SYNPO2: variants seen among roughly 807,000 people sequenced by gnomAD.
SYNPO2 encodes the protein synaptopodin 2.
SYNPO2 carries 56 observed loss-of-function variants against 85.0 expected under a neutral mutation model. The ratio of observed to expected loss-of-function variants is 0.66; its 90% confidence interval spans 0.53 to 0.82. SYNPO2 has a LOEUF of 0.82. SYNPO2 is among the 40% of genes least tolerant of loss of function. The pLI is 0.00. For missense variants in SYNPO2, 1,575 were observed against 1,534.2 expected (o/e 1.03, Z -0.44); for synonymous variants, 602 against 591.1 (o/e 1.02, Z -0.27).
chr4:118,992,605 T>TC (rs1736454865), intron 1 of SYNPO2, among the ~76,000 whole-genome samples: 1 of 152,148 alleles, frequency 6.6e-6, no homozygotes, highest in Non-Finnish European at 1.5e-5. Flanking sequence ...CAGGGATGCC[T>TC]CCAAGGTCCT....
Position 119,030,942 on chromosome 4 carries a change from A to C in SYNPO2, c.2167A>C (p.Thr723Pro). ...LLQNSEGKRG[T>P]GAGGDSGPEE... ...TCAAAATTCAGAAGGCAAACGGGGC[A>C]CTGGAGCTGGAGGTGATTCCGGACC... The change falls in exon 4 of 5, where the codon ACT (threonine) becomes CCT (proline). Residue 723 changes from threonine (T) to proline (P), a missense_variant. Thr to Pro is a conservative substitution (Grantham distance 38, BLOSUM62 -1). Coordinates refer to ENST00000307142, the MANE Select transcript of SYNPO2 (RefSeq NM_133477.3). 1 of 1,614,198 alleles carries C rather than the reference A, an allele frequency of 6.2e-7. No individual in the cohort carries two copies.
At chr4:118,989,853 A>G in intron 1 of SYNPO2, among the ~76,000 whole-genome samples, 1 of 152,216 alleles carries the variant, frequency 6.6e-6, no homozygotes, top group East Asian at 1.9e-4. Flanking sequence ...CAACACCAAG[A>G]GTCCCTGAGA....
chr4:119,035,819 CA>C (rs5861408), intron 4 of SYNPO2: 1,892 of 928,756 alleles, frequency 2.0e-3, no homozygotes, highest in East Asian at 2.3e-3. Context: ...CTGAGATGTC[CA>C]AAAAAAAAAA....
intron 4 of SYNPO2, among the ~76,000 whole-genome samples, chr4:119,056,497 C>T (rs1264030506): frequency 1.3e-5 from 2 of 151,972 alleles, no homozygotes; most frequent in East Asian, 1.9e-4. Flanking sequence ...TTTGAGGCTG[C>T]AGTGAGCCAT....
At position 119,005,053 on chromosome 4, in the gene SYNPO2, C is replaced by T. The variant is rs546187431; in HGVS notation, c.106-18377C>T. Among the ~76,000 whole-genome samples, 1,221 of 152,100 alleles carry T rather than the reference C, an allele frequency of 8.0e-3. 15 individuals carry two copies. The highest frequency in any genetic ancestry group is 0.036 in the South Asian group (172 of 4,798). ...TTGAGAAATGTCTGTTCATATCCTT[C>T]GCCCACTTGTTGATGGGGTTGTTTG... is the stretch of plus-strand genomic sequence containing the variant. On this transcript the variant is annotated intron_variant, in intron 1 of 4. Coordinates refer to ENST00000307142, the MANE Select transcript of SYNPO2 (RefSeq NM_133477.3).
chr4:118,958,421 A>C (rs1305944892), intron 1 of SYNPO2, among the ~76,000 whole-genome samples: 1 of 152,166 alleles, frequency 6.6e-6, no homozygotes, highest in Non-Finnish European at 1.5e-5. Context: ...CAAGTTAATG[A>C]ATTAAAGAGT....
intron 1 of SYNPO2, among the ~76,000 whole-genome samples, chr4:119,010,004 A>T (rs141218844): frequency 6.6e-6 from 1 of 152,210 alleles, no homozygotes; most frequent in Non-Finnish European, 1.5e-5. Context: ...GTTTTTCTCC[A>T]TAACCATTTT....
intron 1 of SYNPO2, among the ~76,000 whole-genome samples, chr4:118,940,432 A>C (rs144848933): frequency 6.6e-6 from 1 of 152,196 alleles, no homozygotes; most frequent in African/African-American, 2.4e-5. Context: ...AAATAAGAGT[A>C]AACTGTTTTC....
rs1243344835 is a variant in SYNPO2, at chr4:119,059,650, C to T, written c.*1716C>T. 1.3e-5 allele frequency: 2 copies of T among 151,624 alleles called. No homozygotes were observed. The highest frequency in any genetic ancestry group is 2.1e-4 in the South Asian group (1 of 4,808). 9.4% of individuals were successfully genotyped at this position (151,624 alleles called of 1,614,324 possible). On this transcript the variant is annotated 3_prime_UTR_variant, in exon 5 of 5. Transcript: ENST00000307142. Reference sequence around the variant, plus strand: ...GTTACTTTTTTGCTCTTGAATGTATCGTTATGATGGTCTCTTATAATCATG... The same window carrying T: ...GTTACTTTTTTGCTCTTGAATGTATTGTTATGATGGTCTCTTATAATCATG...
intron 1 of SYNPO2, among the ~76,000 whole-genome samples, chr4:118,911,252 T>C (rs940445795): frequency 1.3e-5 from 2 of 152,200 alleles, no homozygotes; most frequent in Admixed American, 1.3e-4. Flanking sequence ...AGTTGAGATA[T>C]CAAATCATTT....
rs960459738 is a variant in SYNPO2 at position 119,037,542 on chromosome 4, A to C, written c.3252+5515A>C. 6 of 993,088 alleles carry C rather than the reference A, an allele frequency of 6.0e-6. No individual in the cohort carries two copies. The African/African-American group carries it at 1.0e-4, about 17-fold the overall frequency. 61.5% of individuals were successfully genotyped at this position (993,088 alleles called of 1,614,324 possible). On this transcript the variant is annotated intron_variant, in intron 4 of 4. Coordinates refer to ENST00000307142, the MANE Select transcript of SYNPO2 (RefSeq NM_133477.3). ...TTTGGTGCAATAATCAAGGCCATGC[A>C]ACAACCCAAAATCAAGCATTTTGGT...
At chr4:119,032,221 C>G (rs774497833) in intron 4 of SYNPO2, 194 bp downstream of exon 4, 10 of 1,434,060 alleles carry the variant, frequency 7.0e-6, no homozygotes, top group African/African-American at 1.4e-5. Context: ...AGTCAAAAAT[C>G]CAACTCAGAT....
At chr4:118,904,310 T>C (rs1441599720) in intron 1 of SYNPO2, among the ~76,000 whole-genome samples, 1 of 152,222 alleles carries the variant, frequency 6.6e-6, no homozygotes, top group Admixed American at 6.5e-5. Context: ...TTAAGGCATA[T>C]CTGCTGTCTT....
At chr4:118,913,936 C>T (rs889448136) in intron 1 of SYNPO2, among the ~76,000 whole-genome samples, 18 of 151,986 alleles carry the variant, frequency 1.2e-4, no homozygotes, top group African/African-American at 4.4e-4. Context: ...TGACTGATGG[C>T]AATGTGGAAA....
chr4:118,936,873 G>A (rs1028056205), intron 1 of SYNPO2, among the ~76,000 whole-genome samples: 2 of 152,156 alleles, frequency 1.3e-5, no homozygotes. Context: ...TTTAAGGAAA[G>A]CCTGTAATGA....
intron 1 of SYNPO2, among the ~76,000 whole-genome samples, chr4:119,013,255 A>T (rs918756172): frequency 7.2e-5 from 11 of 152,166 alleles, no homozygotes; most frequent in African/African-American, 2.7e-4. Context: ...AAAAAACATG[A>T]TGCCAGTTTT....
intron 1 of SYNPO2, among the ~76,000 whole-genome samples, chr4:118,903,871 C>T (rs941842144): frequency 2.6e-5 from 4 of 152,002 alleles, no homozygotes; most frequent in African/African-American, 9.7e-5. Flanking sequence ...TGCCACCATG[C>T]CCAGCTAATT....
chr4:118,954,526 A>G (rs1734804054), intron 1 of SYNPO2, among the ~76,000 whole-genome samples: 1 of 152,216 alleles, frequency 6.6e-6, no homozygotes, highest in Non-Finnish European at 1.5e-5. Context: ...TTGACTGAAA[A>G]TAAGTCTGCT....
chr4:118,936,738 C>T (rs950032775), intron 1 of SYNPO2, among the ~76,000 whole-genome samples: 3 of 152,124 alleles, frequency 2.0e-5, no homozygotes, highest in African/African-American at 7.2e-5. Flanking sequence ...CATAAGATCA[C>T]TAACAATTAT....
Sources: allele counts gnomAD v4.1 joint callset (sites outside exome capture counted in the v4.1 genomes callset), GRCh38; gene constraint gnomAD v4.1.1; transcripts MANE v1.5; gene names NCBI Gene and HGNC (gene_info 2026-07-23, HGNC 2026-07-21).